Variants in PAQR5 observed in about 807,000 individuals in gnomAD.
The protein encoded by PAQR5 is membrane progestin receptor gamma.
In PAQR5, 20 loss-of-function variants were observed where a neutral mutation model predicts 34.5. The observed-to-expected ratio is 0.58, with a 90% CI of 0.41 to 0.84. The LOEUF (loss-of-function observed/expected upper bound fraction) is 0.84, where lower values mean the gene tolerates loss of function less well. Ranked by LOEUF, PAQR5 falls within the 40% of genes least tolerant of loss-of-function variation. The pLI, the probability that PAQR5 is intolerant of heterozygous loss-of-function variation, is 0.00. For synonymous variants in PAQR5, 131 were observed against 155.6 expected, an observed-to-expected ratio of 0.84 and a Z score of 1.18; for missense variants, 378 against 412.7, an observed-to-expected ratio of 0.92 and a Z score of 0.73.
intron 3 of PAQR5, among the ~76,000 whole-genome samples, chr15:69,361,540 CA>C (rs2055231745): frequency 6.6e-6 from 1 of 152,198 alleles, no homozygotes; most frequent in African/African-American, 2.4e-5. Context: ...AATTGACTCA[CA>C]GTTCCTCATG....
At chr15:69,397,311 G>A in intron 6 of PAQR5, 157 bp from the exon 7 acceptor site, 1 of 710,346 alleles carries the variant, frequency 1.4e-6, no homozygotes, top group Non-Finnish European at 2.6e-6. Context: ...TGGGAGGAAT[G>A]GACGAGGCTG....
At chr15:69,351,558 G>T (rs4461022) in intron 2 of PAQR5, among the ~76,000 whole-genome samples, 2 of 152,138 alleles carry the variant, frequency 1.3e-5, no homozygotes, top group Non-Finnish European at 2.9e-5. Flanking sequence ...CACCTTCACC[G>T]TCCTACCTCA....
intron 1 of PAQR5, among the ~76,000 whole-genome samples, chr15:69,328,657 C>T (rs559115105): frequency 6.6e-6 from 1 of 152,318 alleles, no homozygotes; most frequent in South Asian, 2.1e-4. Flanking sequence ...GCCATTATTC[C>T]AGCCTGTGCT....
chr15:69,328,032 C>T (rs1045778753), intron 1 of PAQR5, among the ~76,000 whole-genome samples: 1 of 152,180 alleles, frequency 6.6e-6, no homozygotes. Context: ...CTGCCAGCCT[C>T]AGCCTCCCAA....
chr15:69,303,219 G>A (rs2053643259), intron 1 of PAQR5, among the ~76,000 whole-genome samples: 1 of 152,178 alleles, frequency 6.6e-6, no homozygotes, highest in Non-Finnish European at 1.5e-5. Context: ...AGGCAGAGCT[G>A]GAGCTTTTCC....
chr15:69,324,094 G>T (rs1252588703), intron 1 of PAQR5, among the ~76,000 whole-genome samples: 3 of 143,704 alleles, frequency 2.1e-5, no homozygotes, highest in African/African-American at 7.7e-5. Flanking sequence ...TAATCGTCTA[G>T]CAGTAAATAT....
chr15:69,349,634 ATTTTTATTTTTT>A (rs1279972856), intron 2 of PAQR5, among the ~76,000 whole-genome samples: 1 of 140,054 alleles, frequency 7.1e-6, no homozygotes, highest in East Asian at 2.1e-4. Context: ...CCCTTAGTTT[ATTTTTATTTTTT>A]TTTTTATTTT....
chr15:69,389,305 C>T (rs913447299), intron 5 of PAQR5, among the ~76,000 whole-genome samples: 1 of 152,262 alleles, frequency 6.6e-6, no homozygotes, highest in African/African-American at 2.4e-5. Flanking sequence ...AACTCTCTAG[C>T]TGCAGGACCC....
At chr15:69,301,664 G>A (rs1204905649) in intron 1 of PAQR5, among the ~76,000 whole-genome samples, 1 of 152,092 alleles carries the variant, frequency 6.6e-6, no homozygotes, top group African/African-American at 2.4e-5. Flanking sequence ...TCTGTGGGCT[G>A]CAAATCAAAC....
At chr15:69,355,696 C>T (rs2140819373) in intron 2 of PAQR5, among the ~76,000 whole-genome samples, 1 of 152,258 alleles carries the variant, frequency 6.6e-6, no homozygotes, top group East Asian at 1.9e-4. Flanking sequence ...GCTGGGATTA[C>T]AGGTGTAAGG....
chr15:69,322,187 A>G (rs2140604814), intron 1 of PAQR5, among the ~76,000 whole-genome samples: 1 of 143,874 alleles, frequency 7.0e-6, no homozygotes, highest in African/African-American at 2.7e-5. Context: ...AAAATTAAAA[A>G]CTAGCCAGGG....
At chr15:69,371,688 G>A (rs985507603) in intron 3 of PAQR5, among the ~76,000 whole-genome samples, 3 of 151,970 alleles carry the variant, frequency 2.0e-5, no homozygotes, top group Non-Finnish European at 2.9e-5. Flanking sequence ...TTATCTGATT[G>A]GAAAGTCACC....
chr15:69,301,850 TG>T (rs552540181), intron 1 of PAQR5, among the ~76,000 whole-genome samples: 2 of 128,376 alleles, frequency 1.6e-5, no homozygotes, highest in Admixed American at 1.6e-4. Context: ...TCATAAGAAA[TG>T]GGGGGAGATT....
chr15:69,405,759 T>C lies in PAQR5; in HGVS notation c.*1937T>C, dbSNP rs2056743770. ...ATGAGTGACCAATTTGAAGGATTTT[T>C]AGATTATTTAATCTTTGCTTATGTT... On this transcript the variant is annotated 3_prime_UTR_variant, in exon 9 of 9. Transcript: ENST00000395407. 1.3e-5 allele frequency: 2 copies of C among 152,254 alleles called. No individual in the cohort carries two copies. The highest frequency in any genetic ancestry group is 2.1e-4 in the South Asian group (1 of 4,834). The allele number at this position is 152,254 out of a possible 1,614,324, so 9.4% of individuals were successfully genotyped here.
chr15:69,320,335 C>T (rs538330273), intron 1 of PAQR5, among the ~76,000 whole-genome samples: 2 of 152,342 alleles, frequency 1.3e-5, no homozygotes, highest in East Asian at 1.9e-4. Context: ...ACGTGGGTCC[C>T]CTTCCCCTCC....
Position 69,400,031 on chromosome 15 carries a change from C to G in PAQR5, c.667C>G (p.His223Asp), listed in dbSNP as rs1567044568. The stretch of plus-strand genomic sequence containing the variant: ...TGAAGCCACCTCGTACCACCAGAAG[C>G]ACATGATCATGACCCTCCTGGCCTC... ...QNEATSYHQK[H>D]MIMTLLASFL... The change falls in exon 8 of 9, where the codon CAC becomes GAC. Residue 223 changes from histidine (H) to aspartate (D), a missense_variant. His to Asp is a moderately conservative substitution (Grantham distance 81). Coordinates refer to ENST00000395407, the MANE Select transcript of PAQR5 (RefSeq NM_017705.4). The G allele has an allele frequency of 1.2e-6, 2 of 1,614,080 alleles. No individual in the cohort carries two copies. The highest frequency in any genetic ancestry group is 1.7e-6 in the Non-Finnish European group (2 of 1,179,898).
At chr15:69,335,222 A>G (rs1328874222) in intron 1 of PAQR5, among the ~76,000 whole-genome samples, 4 of 149,652 alleles carry the variant, frequency 2.7e-5, no homozygotes, top group Non-Finnish European at 4.4e-5. Context: ...TCTCAAAAAA[A>G]AAAAGATTTA....
intron 7 of PAQR5, among the ~76,000 whole-genome samples, chr15:69,398,292 T>C (rs188160577): frequency 1.2e-4 from 19 of 152,082 alleles, no homozygotes; most frequent in Admixed American, 6.5e-4. Flanking sequence ...GGACAACAAG[T>C]AGGACTAGAA....
At chr15:69,319,806 T>G (rs902202550) in intron 1 of PAQR5, among the ~76,000 whole-genome samples, 2 of 152,148 alleles carry the variant, frequency 1.3e-5, no homozygotes, top group African/African-American at 4.8e-5. Flanking sequence ...TCCTGGAAGC[T>G]CTTGTCTGGG....
Sources: gnomAD v4.1 joint callset for allele counts (sites outside exome capture counted in the v4.1 genomes callset) on GRCh38, gnomAD v4.1.1 for gene constraint, MANE v1.5 for transcripts, NCBI Gene and HGNC (gene_info 2026-07-23, HGNC 2026-07-21) for gene names.